The following NALCN variants were observed in gnomAD, a reference collection of about 807,000 sequenced individuals.
NALCN encodes sodium leak channel, non-selective, also known as sodium leak channel NALCN.
Under a neutral mutation model 225.3 loss-of-function variants are expected in NALCN, and 111 were observed. The ratio of observed to expected loss-of-function variants is 0.49; its 90% CI spans 0.42 to 0.58. The LOEUF is 0.58. Ranked by LOEUF, NALCN falls within the 20% of genes least tolerant of loss-of-function variation. The probability of loss-of-function intolerance (pLI) is 0.00; values close to 1 mark genes in which losing one functional copy is unlikely to be tolerated. For missense variants in NALCN, 1,378 were observed against 2,202.4 expected, an observed-to-expected ratio of 0.63 and a Z score of 7.49; for synonymous variants, 764 against 769.0, an observed-to-expected ratio of 0.99 and a Z score of 0.11.
In NALCN at chr13:101,055,400, G is replaced by T; in HGVS notation, c.5112C>A (p.Asn1704Lys). 6.2e-7 allele frequency: 1 copy of T among 1,614,100 alleles called. No individual in the cohort carries two copies. Among genetic ancestry groups the T allele is most frequent in the Middle Eastern group, 1.6e-4 (1 of 6,062 alleles). Residue 1704 changes from asparagine (N) to lysine (K), a missense_variant, in exon 44 of 44, where the codon AAC becomes AAA. Asn to Lys is a moderately conservative substitution (Grantham distance 94). Coordinates refer to ENST00000251127, the MANE Select transcript of NALCN (RefSeq NM_052867.4). Reference sequence around the variant, plus strand: ...CGCAGGAAGCCGCGTCAGTCATGGGGTTCATTTTGCACACGACAGATTTCA... The same window carrying T: ...CGCAGGAAGCCGCGTCAGTCATGGGTTTCATTTTGCACACGACAGATTTCA... ...TTMKSVVCKMNPMTDAASCGS... is the reference protein window; with the variant it reads ...TTMKSVVCKMKPMTDAASCGS...
chr13:101,067,941 T>G lies in NALCN; in HGVS notation c.4423A>C (p.Asn1475His). Residue 1475 changes from asparagine to histidine, a missense_variant, in exon 39 of 44, where the codon AAC becomes CAC. By Grantham distance (68) the Asn-to-His change is moderately conservative. Transcript: ENST00000251127. ...NDLRHFQIIW[N>H]MVDDKREGVI... ...ACCTCTCTTTTATCATCCACCATGT[T>G]CCATATTATTTGAAAGTGGCGAAGA... The G allele has an allele frequency of 6.2e-7, 1 of 1,612,378 alleles. No homozygotes were observed. The highest frequency in any genetic ancestry group is 8.5e-7 in the Non-Finnish European group (1 of 1,178,786).
chr13:101,104,434 G>A lies in NALCN; in HGVS notation c.2758-8C>T, dbSNP rs550807984. ...AAACACATACTCAGCAATCTGAAAC[G>A]GGCAAAAGGCAGTTTGGTTACAATG... On this transcript the variant is annotated splice_polypyrimidine_tract_variant and splice_region_variant and intron_variant, in intron 24 of 43. Coordinates refer to ENST00000251127, the MANE Select transcript of NALCN (RefSeq NM_052867.4). The surrounding 1 kb of genome is among the most constrained non-coding windows in gnomAD (Gnocchi z 4.2). 1.9e-5 allele frequency: 31 copies of A among 1,612,536 alleles called. No homozygotes were observed. Among genetic ancestry groups the A allele is most frequent in the Admixed American group, 3.3e-5 (2 of 59,898 alleles).
At chr13:101,207,036 CA>C (rs1248162352) in intron 13 of NALCN, among the ~76,000 whole-genome samples, 2 of 152,072 alleles carry the variant, frequency 1.3e-5, no homozygotes, top group African/African-American at 4.8e-5. Context: ...ATTTTCAAAA[CA>C]GTAAATAATG....
chr13:101,125,368 C>A (rs1009335785), intron 17 of NALCN, among the ~76,000 whole-genome samples: 3 of 152,184 alleles, frequency 2.0e-5, no homozygotes, highest in East Asian at 3.9e-4. Context: ...AAATAAATAA[C>A]TAGATTCACA....
chr13:101,071,686 C>T (rs1398177402), intron 37 of NALCN, among the ~76,000 whole-genome samples: 2 of 152,178 alleles, frequency 1.3e-5, no homozygotes, highest in Non-Finnish European at 2.9e-5. Context: ...AGCCATAAGG[C>T]TATTTCTTAT....
intron 41 of NALCN, among the ~76,000 whole-genome samples, chr13:101,060,311 T>C (rs1036111639): frequency 7.5e-6 from 1 of 133,766 alleles, no homozygotes; most frequent in Non-Finnish European, 1.6e-5. Flanking sequence ...GATCTCACTA[T>C]GTCCCGTAGA....
intron 18 of NALCN, among the ~76,000 whole-genome samples, chr13:101,122,244 C>T (rs564471882): frequency 1.3e-5 from 2 of 152,066 alleles, no homozygotes; most frequent in Non-Finnish European, 2.9e-5. Context: ...AGAAACCATT[C>T]GCACAGAAGA....
Position 101,236,800 on chromosome 13 carries a change from A to G in NALCN, c.1434+955T>C, listed in dbSNP as rs1030747866. Among the ~76,000 whole-genome samples, 4 of 150,052 alleles carry G rather than the reference A, an allele frequency of 2.7e-5. No individual in the cohort carries two copies. In the South Asian group the frequency reaches 6.4e-4, roughly 24 times the overall value. On this transcript the variant is annotated intron_variant, in intron 12 of 43. Transcript: ENST00000251127. ...GAGGGGGCAGGGATAGCTTTAGGAG[A>G]TATACCTAATGCTAGATGACGAGTT...
intron 12 of NALCN, 57 bp from the exon 13 acceptor site, chr13:101,229,641 T>A: frequency 7.6e-7 from 1 of 1,310,222 alleles, no homozygotes; most frequent in Non-Finnish European, 1.0e-6. Context: ...TTACACTGAA[T>A]CTTAAATATA....
chr13:101,201,610 T>C (rs181816017), intron 13 of NALCN, among the ~76,000 whole-genome samples: 3 of 152,332 alleles, frequency 2.0e-5, no homozygotes, highest in East Asian at 3.9e-4. Flanking sequence ...AACATTTATA[T>C]ACAAGTTTTT....
intron 27 of NALCN, among the ~76,000 whole-genome samples, chr13:101,097,818 T>C (rs924638943): frequency 6.6e-6 from 1 of 152,160 alleles, no homozygotes; most frequent in African/African-American, 2.4e-5. Flanking sequence ...AACTTACATT[T>C]CTGGCCTTGT....
intron 6 of NALCN, among the ~76,000 whole-genome samples, chr13:101,357,672 T>C (rs141410274): frequency 6.6e-6 from 1 of 152,012 alleles, no homozygotes. Flanking sequence ...TTCACAGAAT[T>C]AGAAAAAAAC....
At chr13:101,236,866 T>C (rs1468304746) in intron 12 of NALCN, among the ~76,000 whole-genome samples, 1 of 151,348 alleles carries the variant, frequency 6.6e-6, no homozygotes, top group Non-Finnish European at 1.5e-5. Context: ...TATACATATG[T>C]AACTAACCTG....
chr13:101,121,954 CTTTT>C (rs34912854), intron 18 of NALCN, among the ~76,000 whole-genome samples: 2,517 of 146,884 alleles, frequency 0.017, 68 homozygotes, highest in East Asian at 0.057. Flanking sequence ...AAATGTTTTC[CTTTT>C]TTTTTTTTTT....
At chr13:101,095,464 T>C (rs1169124422) in intron 28 of NALCN, 110 bp downstream of exon 28, 2 of 820,104 alleles carry the variant, frequency 2.4e-6, no homozygotes, top group Non-Finnish European at 3.8e-6. Context: ...TAAGATCATT[T>C]TAACATCTCT....
intron 7 of NALCN, among the ~76,000 whole-genome samples, chr13:101,325,470 A>G (rs1566578211): frequency 1.3e-5 from 2 of 152,210 alleles, no homozygotes; most frequent in African/African-American, 4.8e-5. Flanking sequence ...CCCCTTACAC[A>G]AAACAGCCAG....
intron 13 of NALCN, among the ~76,000 whole-genome samples, chr13:101,210,458 A>G (rs1024881461): frequency 1.3e-5 from 2 of 152,144 alleles, no homozygotes; most frequent in African/African-American, 4.8e-5. Context: ...TGTAATAGTT[A>G]ATGATAAGCT....
rs1177947508 is a variant in NALCN at position 101,103,167 on chromosome 13, C to T, written c.3057+5G>A. The T allele has an allele frequency of 1.9e-6, 3 of 1,611,550 alleles. No individual in the cohort carries two copies. The highest frequency in any genetic ancestry group is 2.5e-6 in the Non-Finnish European group (3 of 1,179,102). ...AACTGGAATCAAAGGATAATTCTCA[C>T]ATACCAAAAAAATTTCCTTGAAGCC... On this transcript the variant is annotated splice_donor_5th_base_variant and intron_variant, in intron 26 of 43. Transcript: ENST00000251127.
rs560961260 is a variant in NALCN at position 101,204,589 on chromosome 13, C to T, written c.1627-12535G>A. The stretch of plus-strand genomic sequence containing the variant: ...TTATGCCTATTCCAGCAGCAAATTA[C>T]TTTAAGTGGAGTCTACACTTAAATA... On this transcript the variant is annotated intron_variant, in intron 13 of 43. Transcript: ENST00000251127. 8.5e-5 allele frequency among the ~76,000 whole-genome samples: 13 copies of T among 152,064 alleles called. No homozygotes were observed. The East Asian group carries it at 2.1e-3, about 25-fold the overall frequency.
Sources: gnomAD v4.1 joint callset for allele counts (sites outside exome capture counted in the v4.1 genomes callset) on GRCh38, gnomAD v4.1.1 for gene constraint, Gnocchi (gnomAD v3.1) non-coding constraint, MANE v1.5 for transcripts, NCBI Gene and HGNC (gene_info 2026-07-23, HGNC 2026-07-21) for gene names.